Variants in CCDC171 observed in about 807,000 individuals in gnomAD.
CCDC171 encodes the protein coiled-coil domain containing 171, also known as coiled-coil domain-containing protein 171.
CCDC171 carries 177 observed loss-of-function variants against 168.2 expected under a neutral mutation model. The observed-to-expected ratio is 1.05, with a 90% CI of 0.93 to 1.19. CCDC171 has a LOEUF of 1.19. Ranked by LOEUF, CCDC171 falls within the 50% of genes most tolerant of loss-of-function variation. The pLI is 0.00. For missense variants in CCDC171, 1,991 were observed against 1,539.0 expected, an observed-to-expected ratio of 1.29 and a Z score of -4.91; for synonymous variants, 687 against 540.8, an observed-to-expected ratio of 1.27 and a Z score of -3.75.
intron 22 of CCDC171, among the ~76,000 whole-genome samples, chr9:15,847,878 C>T (rs2060968386): frequency 1.3e-5 from 2 of 152,050 alleles, no homozygotes; most frequent in Admixed American, 6.6e-5. Context: ...AAAATGTTGG[C>T]ATGTTTGAAT....
chr9:15,695,416 T>A, intron 11 of CCDC171, 79 bp downstream of exon 11: 1 of 998,714 alleles, frequency 1.0e-6, no homozygotes, highest in Non-Finnish European at 1.6e-6. Context: ...TGCAGATGCC[T>A]CTTGTAGTCC....
intron 13 of CCDC171, 31 bp downstream of exon 13, chr9:15,723,777 A>G (rs758213302): frequency 7.4e-6 from 8 of 1,076,982 alleles, no homozygotes; most frequent in African/African-American, 4.9e-5. Context: ...TACCTTTTGT[A>G]TTAAGAAACA....
At chr9:16,061,205 T>C (rs1833927115) in exon 2 of CCDC171, 1 of 152,212 alleles carries the variant, frequency 6.6e-6, no homozygotes, top group Non-Finnish European at 1.5e-5. Context: ...TGGAATTCTA[T>C]AGGGATGATG....
chr9:15,739,959 G>C (rs1197961890), intron 16 of CCDC171, among the ~76,000 whole-genome samples: 1 of 151,976 alleles, frequency 6.6e-6, no homozygotes, highest in Non-Finnish European at 1.5e-5. Flanking sequence ...GGATGGTCTC[G>C]ATCTCCTGGT....
rs2059551803 is a variant in CCDC171 at position 15,816,083 on chromosome 9, T to C, written c.3268-30619T>C. Among the ~76,000 whole-genome samples the C allele has an allele frequency of 1.7e-5, 2 of 118,042 alleles. 1 individual carries two copies. The highest frequency in any genetic ancestry group is 3.8e-5 in the Non-Finnish European group (2 of 52,410). The allele number at this position is 118,042 out of a possible 152,430, so 77.4% of individuals were successfully genotyped here. A position where few individuals can be genotyped will look rare whatever the true frequency, so the allele number is the denominator to read the frequency against. On this transcript the variant is annotated intron_variant, in intron 21 of 25. Transcript: ENST00000380701. ...TAAAACATTCACGTTTTGTGTTTAT[T>C]ATGATGTCCTATTATGATATGATAA...
chr9:16,009,540 A>C (rs1832802505), intron 3 of CCDC171, among the ~76,000 whole-genome samples: 1 of 152,206 alleles, frequency 6.6e-6, no homozygotes, highest in South Asian at 2.1e-4. Flanking sequence ...CGTTATCTTT[A>C]AGCTTTTTGA....
the CCDC171 span, among the ~76,000 whole-genome samples, chr9:16,096,317 G>A: frequency 1.3e-5 from 2 of 152,188 alleles, no homozygotes; most frequent in Admixed American, 1.3e-4. Context: ...AATTTATCCT[G>A]TAAGTCTGCA....
intron 6 of CCDC171, among the ~76,000 whole-genome samples, chr9:15,601,284 A>G (rs1248545660): frequency 1.3e-5 from 2 of 152,156 alleles, no homozygotes; most frequent in South Asian, 2.1e-4. Context: ...CTCCACAGCC[A>G]CTTCATTTTT....
chr9:15,881,545 C>A (rs1818646860), intron 24 of CCDC171, among the ~76,000 whole-genome samples: 1 of 152,108 alleles, frequency 6.6e-6, no homozygotes, highest in South Asian at 2.1e-4. Flanking sequence ...TGTAGTTACC[C>A]TACTGATCTA....
intron 21 of CCDC171, among the ~76,000 whole-genome samples, chr9:15,793,363 A>T (rs528269497): frequency 1.3e-5 from 2 of 152,142 alleles, no homozygotes; most frequent in African/African-American, 2.4e-5. Flanking sequence ...AGACTCCCAC[A>T]CAATAATAAT....
intron 24 of CCDC171, among the ~76,000 whole-genome samples, chr9:15,901,615 T>C (rs539463815): frequency 2.0e-4 from 31 of 152,300 alleles, no homozygotes; most frequent in African/African-American, 7.5e-4. Flanking sequence ...TGCCATTAAT[T>C]ATACAAGATA....
the CCDC171 span, among the ~76,000 whole-genome samples, chr9:16,072,980 G>C: frequency 1.3e-5 from 2 of 152,170 alleles, no homozygotes; most frequent in Non-Finnish European, 2.9e-5. Context: ...AGGAGACTCA[G>C]GATTAATATC....
rs552345668 is a variant in CCDC171, at chr9:15,634,198, C to T, written c.822+10785C>T. Among the ~76,000 whole-genome samples the T allele has an allele frequency of 2.3e-4, 35 of 151,096 alleles. No homozygotes were observed. The South Asian group carries it at 7.3e-3, about 32-fold the overall frequency. ...AATAATAAAACAAAAGAAAGCAGAA[C>T]CCAAACACACAAAAAAAAGAAAAAT... On this transcript the variant is annotated intron_variant, in intron 7 of 25. Transcript: ENST00000380701.
intron 7 of CCDC171, among the ~76,000 whole-genome samples, chr9:15,628,114 G>A (rs371313604): frequency 1.3e-5 from 2 of 152,194 alleles, no homozygotes; most frequent in Non-Finnish European, 2.9e-5. Context: ...GAAGACGGGT[G>A]ATTTCTGCAT....
At chr9:15,958,096 G>A (rs976431567) in intron 25 of CCDC171, among the ~76,000 whole-genome samples, 1 of 151,832 alleles carries the variant, frequency 6.6e-6, no homozygotes, top group African/African-American at 2.4e-5. Flanking sequence ...ATTAGAATAA[G>A]TCCATTAACT....
At chr9:15,759,634 A>G (rs553654016) in intron 18 of CCDC171, among the ~76,000 whole-genome samples, 2 of 152,294 alleles carry the variant, frequency 1.3e-5, no homozygotes, top group East Asian at 3.9e-4. Context: ...AGTTATTTGT[A>G]GAATATCCCT....
At chr9:16,049,802 C>G (rs1833721175) in intron 1 of CCDC171, among the ~76,000 whole-genome samples, 1 of 152,158 alleles carries the variant, frequency 6.6e-6, no homozygotes, top group Non-Finnish European at 1.5e-5. Context: ...AGATCTATAT[C>G]AATATCCTAT....
rs991194567 is a variant in CCDC171 at position 15,611,168 on chromosome 9, C to T, written c.676-12099C>T. Among the ~76,000 whole-genome samples the T allele has an allele frequency of 6.6e-5, 10 of 152,316 alleles. No homozygotes were observed. The East Asian group carries it at 1.9e-3, about 29-fold the overall frequency. ...CCATGTGACGTGCCTGCTCCCCCTT[C>T]ACCTTCTACCATGATTGTAAATTTC... is the stretch of plus-strand genomic sequence containing the variant. On this transcript the variant is annotated intron_variant, in intron 6 of 25. Coordinates refer to ENST00000380701, the MANE Select transcript of CCDC171 (RefSeq NM_173550.4).
At chr9:15,708,006 C>T (rs2052375193) in intron 11 of CCDC171, among the ~76,000 whole-genome samples, 1 of 152,140 alleles carries the variant, frequency 6.6e-6, no homozygotes, top group Non-Finnish European at 1.5e-5. Context: ...CAGCACTACG[C>T]CTGGCTAATT....
Sources: gnomAD v4.1 joint callset for allele counts (sites outside exome capture counted in the v4.1 genomes callset) on GRCh38, gnomAD v4.1.1 for gene constraint, MANE v1.5 for transcripts, NCBI Gene and HGNC (gene_info 2026-07-23, HGNC 2026-07-21) for gene names.